CADM2: variants seen among roughly 807,000 people sequenced by gnomAD.
The protein encoded by CADM2 is cell adhesion molecule 2, also known as immunoglobulin superfamily member 4D.
Under a neutral mutation model 49.8 loss-of-function variants are expected in CADM2, and 12 were observed. That is an observed-to-expected ratio of 0.24 (90% CI 0.15 to 0.39). The LOEUF (loss-of-function observed/expected upper bound fraction) is 0.39, where lower values mean the gene tolerates loss of function less well. Among genes scored for constraint, CADM2 ranks in the 10% least tolerant of loss-of-function variants. The pLI, the probability that CADM2 is intolerant of heterozygous loss-of-function variation, is 1.00. For synonymous variants in CADM2, 214 were observed against 175.4 expected, an observed-to-expected ratio of 1.22 and a Z score of -1.74; for missense variants, 378 against 492.3, an observed-to-expected ratio of 0.77 and a Z score of 2.20.
In CADM2 at chr3:85,204,283, T is replaced by C; in HGVS notation, c.61+244615T>C. Among the ~76,000 whole-genome samples, 5 of 152,308 alleles carry C rather than the reference T, an allele frequency of 3.3e-5. 1 individual carries two copies. The South Asian group carries it at 1.0e-3, about 32-fold the overall frequency. ...TTTAGTAACCTATTTTGATTTAATT[T>C]TATTGATTTCAAACCAATTTTTTGT... On this transcript the variant is annotated intron_variant, in intron 1 of 9. Transcript: ENST00000383699.
intron 3 of CADM2, among the ~76,000 whole-genome samples, chr3:85,870,205 A>C (rs1559712388): frequency 6.6e-6 from 1 of 151,882 alleles, no homozygotes; most frequent in Admixed American, 6.6e-5. Flanking sequence ...AGATTCATTT[A>C]GCTTGTTTGG....
intron 1 of CADM2, among the ~76,000 whole-genome samples, chr3:85,724,350 C>T (rs2107776579): frequency 6.6e-6 from 1 of 151,496 alleles, no homozygotes; most frequent in South Asian, 2.1e-4. Flanking sequence ...CATCTTTATC[C>T]AGGATTTTCT....
intron 1 of CADM2, among the ~76,000 whole-genome samples, chr3:85,566,386 T>C (rs2062255585): frequency 6.6e-6 from 1 of 152,150 alleles, no homozygotes; most frequent in Non-Finnish European, 1.5e-5. Context: ...AAAATTCTTT[T>C]TTTAAGAAGT....
intron 1 of CADM2, among the ~76,000 whole-genome samples, chr3:85,067,992 A>G (rs2036584954): frequency 6.6e-6 from 1 of 152,144 alleles, no homozygotes; most frequent in South Asian, 2.1e-4. Flanking sequence ...TTGGGGAAGT[A>G]TGGACAGGGA....
At chr3:85,170,292 A>T (rs2040587506) in intron 1 of CADM2, among the ~76,000 whole-genome samples, 1 of 151,840 alleles carries the variant, frequency 6.6e-6, no homozygotes, top group South Asian at 2.1e-4. Flanking sequence ...GGTAAAATGT[A>T]GTGTTTTAAA....
intron 1 of CADM2, among the ~76,000 whole-genome samples, chr3:85,253,119 G>A (rs141259487): frequency 1.3e-5 from 2 of 152,070 alleles, no homozygotes; most frequent in South Asian, 2.1e-4. Flanking sequence ...AATTTTGCAC[G>A]CTAACATTCA....
At chr3:85,898,955 A>ATATATATATATATATATATAT (rs1475991339) in intron 5 of CADM2, among the ~76,000 whole-genome samples, 22 of 33,922 alleles carry the variant, frequency 6.5e-4, no homozygotes, top group Non-Finnish European at 1.0e-3. Flanking sequence ...ATATATATAT[A>ATATATATATATATATATATAT]TTTTTTTTTT....
intron 1 of CADM2, among the ~76,000 whole-genome samples, chr3:85,398,902 GC>G (rs1291348418): frequency 5.9e-5 from 9 of 152,048 alleles, no homozygotes; most frequent in African/African-American, 2.2e-4. Context: ...CTGGATAGTA[GC>G]CCTTTGTCAG....
intron 2 of CADM2, 104 bp downstream of exon 2, chr3:85,726,652 T>G: frequency 1.3e-6 from 1 of 797,960 alleles, no homozygotes; most frequent in South Asian, 1.6e-5. Flanking sequence ...GATAATACTA[T>G]TTCAGTGTAT....
chr3:85,635,925 A>G (rs990729230), intron 1 of CADM2, among the ~76,000 whole-genome samples: 3 of 152,190 alleles, frequency 2.0e-5, no homozygotes, highest in Non-Finnish European at 4.4e-5. Context: ...TAACATTGTC[A>G]TATAGAACAA....
At chr3:85,080,785 A>G (rs1048992401) in intron 1 of CADM2, among the ~76,000 whole-genome samples, 1 of 152,020 alleles carries the variant, frequency 6.6e-6, no homozygotes, top group Non-Finnish European at 1.5e-5. Context: ...TTTTAGTCCT[A>G]TATTATTTTT....
At chr3:85,887,612 G>A (rs1025098968) in intron 5 of CADM2, among the ~76,000 whole-genome samples, 1 of 151,942 alleles carries the variant, frequency 6.6e-6, no homozygotes, top group Admixed American at 6.6e-5. Context: ...GCTTGCCTTA[G>A]TATTTCTAAT....
At chr3:85,746,844 C>T (rs932096456) in intron 2 of CADM2, among the ~76,000 whole-genome samples, 34 of 152,206 alleles carry the variant, frequency 2.2e-4, no homozygotes, top group African/African-American at 7.9e-4. Flanking sequence ...TGTCTTATCT[C>T]CCCACCTCCA....
At chr3:85,904,232 A>C (rs528889535) in intron 5 of CADM2, among the ~76,000 whole-genome samples, 1 of 152,184 alleles carries the variant, frequency 6.6e-6, no homozygotes, top group South Asian at 2.1e-4. Flanking sequence ...TCTCCCCTCT[A>C]TAAGTGAGCT....
intron 3 of CADM2, among the ~76,000 whole-genome samples, chr3:85,864,026 T>C (rs1300314229): frequency 1.3e-5 from 2 of 152,060 alleles, no homozygotes; most frequent in Non-Finnish European, 2.9e-5. Flanking sequence ...ACAGAGTGAC[T>C]GAGAAAGGGT....
intron 1 of CADM2, among the ~76,000 whole-genome samples, chr3:85,131,042 C>T (rs1436063376): frequency 6.6e-6 from 1 of 151,896 alleles, no homozygotes; most frequent in Admixed American, 6.6e-5. Flanking sequence ...ATTAGCCGGG[C>T]GTGGCATGCG....
chr3:85,562,639 A>G (rs1576809659), intron 1 of CADM2, among the ~76,000 whole-genome samples: 1 of 152,130 alleles, frequency 6.6e-6, no homozygotes, highest in African/African-American at 2.4e-5. Flanking sequence ...ATATAGCCCA[A>G]TGTAAAATAT....
At chr3:85,702,019 G>GA (rs1553667234) in intron 1 of CADM2, among the ~76,000 whole-genome samples, 4 of 147,950 alleles carry the variant, frequency 2.7e-5, no homozygotes, top group Non-Finnish European at 4.5e-5. Flanking sequence ...TAGATAGATA[G>GA]TTGATAGATA....
At chr3:85,124,020 C>A (rs1363753198) in intron 1 of CADM2, among the ~76,000 whole-genome samples, 1 of 152,146 alleles carries the variant, frequency 6.6e-6, no homozygotes, top group East Asian at 1.9e-4. Context: ...GATCAATGAG[C>A]TATGTTGAGC....
Sources: gnomAD v4.1 joint callset for allele counts (sites outside exome capture counted in the v4.1 genomes callset) on GRCh38, gnomAD v4.1.1 for gene constraint, MANE v1.5 for transcripts, NCBI Gene and HGNC (gene_info 2026-07-23, HGNC 2026-07-21) for gene names.